GDPD5: variants seen among roughly 807,000 people sequenced by gnomAD.
GDPD5 encodes glycerophosphodiester phosphodiesterase 2.
A neutral mutation model predicts 75.1 loss-of-function variants in GDPD5; 48 were observed. The observed-to-expected ratio is 0.64, with a 90% CI of 0.51 to 0.81. The LOEUF is 0.81. Among genes scored for constraint, GDPD5 ranks in the 40% least tolerant of loss-of-function variants. GDPD5 has a pLI of 0.00. For synonymous variants in GDPD5, 336 were observed against 339.0 expected (o/e 0.99, Z 0.10); for missense variants, 706 against 822.6 (o/e 0.86, Z 1.73).
At chr11:75,486,957 T>C (rs514477) in intron 2 of GDPD5, among the ~76,000 whole-genome samples, 104,887 of 152,030 alleles carry the variant, frequency 0.69, 36,711 homozygotes, top group East Asian at 0.96. Flanking sequence ...GCAGAGGGCA[T>C]CCCAAACAGC....
At chr11:75,438,585 C>T (rs1948690828) in intron 15 of GDPD5, 1 of 152,310 alleles carries the variant, frequency 6.6e-6, no homozygotes, top group South Asian at 2.1e-4. Flanking sequence ...GACAGCATCT[C>T]CTCCTAGAAG....
intron 1 of GDPD5, chr11:75,507,121 AGAG>A (rs915857778): frequency 1.3e-5 from 2 of 152,616 alleles, no homozygotes; most frequent in African/African-American, 2.4e-5. Context: ...AGGGAAAGAA[AGAG>A]GAGAAGGGCC....
At chr11:75,460,038 C>A (rs1793412) in intron 4 of GDPD5, among the ~76,000 whole-genome samples, 1 of 151,426 alleles carries the variant, frequency 6.6e-6, no homozygotes, top group East Asian at 2.0e-4. Flanking sequence ...AGGGGAAAAT[C>A]TACTGCCTGG....
intron 15 of GDPD5, 85 bp from the exon 16 acceptor site, chr11:75,437,133 G>T (rs753096399): frequency 4.1e-6 from 4 of 980,850 alleles, no homozygotes; most frequent in Middle Eastern, 2.6e-4. Flanking sequence ...AGCCTCTCTG[G>T]ATGTGGCCCA....
chr11:75,436,162 T>C (rs544213397), intron 16 of GDPD5, among the ~76,000 whole-genome samples: 34 of 152,158 alleles, frequency 2.2e-4, no homozygotes, highest in African/African-American at 6.5e-4. Flanking sequence ...AGGACCAGGG[T>C]GGGTTCTGGG....
Position 75,444,410 on chromosome 11 carries a change from T to C in GDPD5, c.797+3A>G. The C allele has an allele frequency of 6.2e-7, 1 of 1,609,892 alleles. No individual in the cohort carries two copies. The highest frequency in any genetic ancestry group is 8.5e-7 in the Non-Finnish European group (1 of 1,176,344). On this transcript the variant is annotated splice_donor_region_variant and intron_variant, in intron 10 of 16. Coordinates refer to ENST00000336898, the MANE Select transcript of GDPD5 (RefSeq NM_030792.8). ...GGAACTATCTCCCCTCCGCTACACC[T>C]ACCTGATGGTAATGTCAGCCTGGAG...
intron 2 of GDPD5, among the ~76,000 whole-genome samples, chr11:75,486,058 C>T (rs1280682352): frequency 6.6e-6 from 1 of 152,218 alleles, no homozygotes; most frequent in East Asian, 1.9e-4. Flanking sequence ...AAGCCTCTGG[C>T]CTCAGTTTTC....
chr11:75,444,072 CT>C (rs1034603425), intron 10 of GDPD5, among the ~76,000 whole-genome samples: 1 of 152,272 alleles, frequency 6.6e-6, no homozygotes, highest in East Asian at 1.9e-4. Context: ...GTATATGTCA[CT>C]TTTTTGTGGT....
intron 13 of GDPD5, 81 bp downstream of exon 13, chr11:75,441,565 T>G (rs531791589): frequency 7.9e-7 from 1 of 1,263,686 alleles, no homozygotes; most frequent in Non-Finnish European, 1.1e-6. Flanking sequence ...TGTGTGTGTG[T>G]GTGTTGGGGG....
chr11:75,448,444 G>C, intron 9 of GDPD5: 1 of 980,726 alleles, frequency 1.0e-6, no homozygotes, highest in East Asian at 1.1e-4. Flanking sequence ...GAGGAGCTGT[G>C]CTGGGATGCT....
chr11:75,471,408 G>A (rs984685245), intron 3 of GDPD5, among the ~76,000 whole-genome samples: 2 of 152,218 alleles, frequency 1.3e-5, no homozygotes, highest in African/African-American at 4.8e-5. Flanking sequence ...GGACTACAGA[G>A]AGCTGGGCAA....
intron 7 of GDPD5, 62 bp downstream of exon 7, chr11:75,449,823 G>C: frequency 1.3e-6 from 2 of 1,546,012 alleles, no homozygotes; most frequent in South Asian, 1.1e-5. Context: ...CCTTGGTCTG[G>C]AGAAAGGGAA....
chr11:75,478,135 G>A (rs934690631), intron 2 of GDPD5, among the ~76,000 whole-genome samples: 1 of 151,940 alleles, frequency 6.6e-6, no homozygotes, highest in Non-Finnish European at 1.5e-5. Flanking sequence ...CTCTCTTCAG[G>A]TCTTAGCTCA....
At chr11:75,481,289 G>A (rs1592119762) in intron 2 of GDPD5, among the ~76,000 whole-genome samples, 1 of 152,214 alleles carries the variant, frequency 6.6e-6, no homozygotes, top group Non-Finnish European at 1.5e-5. Flanking sequence ...CTCACTCAGG[G>A]CCTCTGCCTA....
At chr11:75,506,241 G>A (rs1020307578) in intron 1 of GDPD5, among the ~76,000 whole-genome samples, 1 of 152,168 alleles carries the variant, frequency 6.6e-6, no homozygotes. Flanking sequence ...CGCTTTGTTT[G>A]TTTGGGCTCT....
chr11:75,441,511 G>C (rs1036252448), intron 13 of GDPD5, 135 bp downstream of exon 13: 59 of 1,136,486 alleles, frequency 5.2e-5, no homozygotes, highest in Non-Finnish European at 7.1e-5. Context: ...ATGTGTGCCT[G>C]ATTCCTCTGT....
At chr11:75,466,444 A>G (rs1412958962) in intron 3 of GDPD5, among the ~76,000 whole-genome samples, 1 of 152,128 alleles carries the variant, frequency 6.6e-6, no homozygotes, top group African/African-American at 2.4e-5. Flanking sequence ...AATAGCACTA[A>G]TGGTCCTTGT....
chr11:75,464,663 A>C (rs1275166118), intron 3 of GDPD5, among the ~76,000 whole-genome samples: 1 of 152,138 alleles, frequency 6.6e-6, no homozygotes. Context: ...CGACACCCTG[A>C]GGCCCAGTAT....
chr11:75,503,742 T>C (rs1348409689), intron 1 of GDPD5, among the ~76,000 whole-genome samples: 2 of 152,270 alleles, frequency 1.3e-5, no homozygotes, highest in African/African-American at 4.8e-5. Flanking sequence ...GTGAGTCTCC[T>C]TGTTGCTGAA....
Sources: gnomAD v4.1 joint callset for allele counts (sites outside exome capture counted in the v4.1 genomes callset) on GRCh38, gnomAD v4.1.1 for gene constraint, MANE v1.5 for transcripts, NCBI Gene and HGNC (gene_info 2026-07-23, HGNC 2026-07-21) for gene names.